The following SLC19A1 variants were observed in gnomAD, a reference collection of about 807,000 sequenced individuals.
SLC19A1 encodes solute carrier family 19 member 1, also known as reduced folate transporter.
A neutral mutation model predicts 35.3 loss-of-function variants in SLC19A1; 37 were observed. The ratio of observed to expected loss-of-function variants is 1.05; its 90% CI spans 0.81 to 1.38. The LOEUF is 1.38. Ranked by LOEUF, SLC19A1 falls within the 40% of genes most tolerant of loss-of-function variation. The pLI is 0.00. For synonymous variants in SLC19A1, 460 were observed against 398.5 expected (o/e 1.15, Z -1.84); for missense variants, 831 against 826.9 (o/e 1.00, Z -0.06).
At chr21:45,505,787 G>GGC in intron 3 of SLC19A1, 2 of 1,248,152 alleles carry the variant, frequency 1.6e-6, no homozygotes, top group Non-Finnish European at 2.3e-6. Flanking sequence ...TTCCGCCCCT[G>GGC]CCCCCCGCCC....
chr21:45,511,628 G>A (rs1375545013), downstream of SLC19A1, among the ~76,000 whole-genome samples: 1 of 152,052 alleles, frequency 6.6e-6, no homozygotes, highest in Non-Finnish European at 1.5e-5. Flanking sequence ...AATTTCCAGG[G>A]TATCTAGAAG....
chr21:45,555,690 G>T (rs575891640), intron 1 of SLC19A1, among the ~76,000 whole-genome samples: 6 of 152,174 alleles, frequency 3.9e-5, no homozygotes, highest in Admixed American at 1.3e-4. Flanking sequence ...GGCTGGCCTA[G>T]GCCCTGGGAC....
chr21:45,543,447 C>T (rs924525226), upstream of SLC19A1, among the ~76,000 whole-genome samples: 57 of 152,204 alleles, frequency 3.7e-4, no homozygotes, highest in African/African-American at 1.3e-3. Context: ...GGGTCCCAGG[C>T]GAGGGGTGAG....
chr21:45,515,500 G>A lies in SLC19A1; in HGVS notation c.*158C>T. 1 of 1,507,966 alleles carries A rather than the reference G, an allele frequency of 6.6e-7. No individual in the cohort carries two copies. 93.4% of individuals were successfully genotyped at this position (1,507,966 alleles called of 1,614,324 possible). On this transcript the variant is annotated 3_prime_UTR_variant, in exon 6 of 6. Coordinates refer to ENST00000311124, the MANE Select transcript of SLC19A1 (RefSeq NM_194255.4). ...CCCTGAGTGTCGCCAGCACGCTGTG[G>A]CCACCGCCAGAGTGCGGCACAGGGC...
chr21:45,504,777 G>GCCTGCCCT (rs2037090039), intron 3 of SLC19A1, among the ~76,000 whole-genome samples: 1 of 152,106 alleles, frequency 6.6e-6, no homozygotes, highest in Non-Finnish European at 1.5e-5. Flanking sequence ...GCGTTCCATG[G>GCCTGCCCT]CCTGCCCTCC....
At chr21:45,557,788 C>CCT (rs1314566953) in intron 1 of SLC19A1, among the ~76,000 whole-genome samples, 1 of 152,186 alleles carries the variant, frequency 6.6e-6, no homozygotes, top group Non-Finnish European at 1.5e-5. Flanking sequence ...CAGGCTGAGC[C>CCT]CTCTGCTCAA....
intron 3 of SLC19A1, chr21:45,505,393 C>T: frequency 6.3e-7 from 1 of 1,581,292 alleles, no homozygotes. Context: ...CCCCCCTGGG[C>T]CCCCTGGGCC....
intron 1 of SLC19A1, among the ~76,000 whole-genome samples, chr21:45,559,780 A>C (rs761872472): frequency 2.6e-5 from 4 of 152,158 alleles, no homozygotes; most frequent in Non-Finnish European, 5.9e-5. Flanking sequence ...TCATTCCCTC[A>C]CACAGGGTAT....
chr21:45,505,142 G>A, intron 3 of SLC19A1: 2 of 1,609,564 alleles, frequency 1.2e-6, no homozygotes, highest in Non-Finnish European at 8.5e-7. Flanking sequence ...AGGGTCCCAA[G>A]GGAGAGAGCA....
At chr21:45,553,618 C>T (rs1238154643) in intron 1 of SLC19A1, among the ~76,000 whole-genome samples, 1 of 130,098 alleles carries the variant, frequency 7.7e-6, no homozygotes, top group Non-Finnish European at 1.6e-5. Flanking sequence ...ACACACTCAC[C>T]CCCAATCCCC....
At chr21:45,520,231 G>A (rs993658923) in intron 5 of SLC19A1, among the ~76,000 whole-genome samples, 1 of 151,854 alleles carries the variant, frequency 6.6e-6, no homozygotes, top group Non-Finnish European at 1.5e-5. Flanking sequence ...TTAGAAAAGA[G>A]GAAAAGTCTC....
chr21:45,505,156 G>A lies in SLC19A1; in HGVS notation c.498-6544C>T, dbSNP rs762825455. 4.5e-5 allele frequency: 73 copies of A among 1,608,698 alleles called. No individual in the cohort carries two copies. The highest frequency in any genetic ancestry group is 8.4e-5 in the Admixed American group (5 of 59,484). ...TAGGGTCCCAAGGGAGAGAGCATCC[G>A]GGGCCAGCCCGGCCCACCTGGACCT... On this transcript the variant is annotated intron_variant, in intron 3 of 4. Coordinates refer to the SLC19A1 transcript ENST00000417954.
intron 4 of SLC19A1, among the ~76,000 whole-genome samples, chr21:45,529,812 G>A (rs962998356): frequency 1.4e-5 from 2 of 143,680 alleles, no homozygotes; most frequent in East Asian, 1.9e-4. Flanking sequence ...TGTGTGGTGT[G>A]TCCATGTGAG....
rs951982765 is a variant in SLC19A1 at position 45,517,018 on chromosome 21, G to C, written c.1294-878C>G. 6.6e-5 allele frequency among the ~76,000 whole-genome samples: 10 copies of C among 152,286 alleles called. No homozygotes were observed. Among genetic ancestry groups the C allele is most frequent in the Non-Finnish European group, 1.2e-4 (8 of 68,024 alleles). ...CTGGGAAGACTCTGAAAGCAGGAGC[G>C]AGGAGGACAGACTGACCAGGCCCTC... is the stretch of plus-strand genomic sequence containing the variant. On this transcript the variant is annotated intron_variant, in intron 5 of 5. Coordinates refer to ENST00000311124, the MANE Select transcript of SLC19A1 (RefSeq NM_194255.4). This position sits in a 1 kb window ranked among gnomAD's most constrained non-coding sequence, Gnocchi z 4.4.
rs750614412 is a variant in SLC19A1 at position 45,531,740 on chromosome 21, C to T, written c.598G>A (p.Ala200Thr). 1.2e-6 allele frequency: 2 copies of T among 1,612,352 alleles called. No individual in the cohort carries two copies. The highest frequency in any genetic ancestry group is 1.7e-6 in the Non-Finnish European group (2 of 1,179,448). The change falls in exon 3 of 6, where the codon GCC becomes ACC. Residue 200 changes from alanine to threonine, a missense_variant. By Grantham distance (58) the Ala-to-Thr change is moderately conservative. Transcript: ENST00000311124. ...LAFLTFSVVL[A>T]LFLKRPKRSL... ...CGCTTGGGGCGCTTCAGGAAGAGGG[C>T]GAGGACCACGCTGAAGGTGAGGAAG...
intron 1 of SLC19A1, among the ~76,000 whole-genome samples, chr21:45,549,471 TA>T (rs964657462): frequency 1.9e-4 from 29 of 150,938 alleles, no homozygotes; most frequent in African/African-American, 6.8e-4. Context: ...AATTGTTTTT[TA>T]AAAGCCTGCA....
intron 5 of SLC19A1, among the ~76,000 whole-genome samples, chr21:45,516,760 G>A (rs954567972): frequency 3.3e-5 from 5 of 152,282 alleles, no homozygotes; most frequent in South Asian, 4.1e-4. Context: ...GATCATTCCC[G>A]GAGGTGCAGA....
At chr21:45,510,274 A>G (rs1285378982), downstream of SLC19A1, 3 of 1,595,168 alleles carry the variant, frequency 1.9e-6, no homozygotes, top group African/African-American at 2.7e-5. Context: ...GGGTCAGTCC[A>G]GTCCTGAGGG....
chr21:45,555,232 GGCGCAGGGGGCGGCGCAGGGGGCGGCGCA>G (rs2078539359), intron 1 of SLC19A1, among the ~76,000 whole-genome samples: 1 of 14,634 alleles, frequency 6.8e-5, no homozygotes, highest in African/African-American at 3.3e-4. Flanking sequence ...GCCGGGGGGC[GGCGCAGGGGGCGGCGCAGGGGGCGGCGCA>G]GGGGGCGGCG....
Sources: gnomAD v4.1 joint callset for allele counts (sites outside exome capture counted in the v4.1 genomes callset) on GRCh38, gnomAD v4.1.1 for gene constraint, Gnocchi (gnomAD v3.1) non-coding constraint, MANE v1.5 for transcripts, NCBI Gene and HGNC (gene_info 2026-07-23, HGNC 2026-07-21) for gene names.